MDGA2: variants seen among roughly 807,000 people sequenced by gnomAD.
MDGA2 encodes the protein MAM domain containing glycosylphosphatidylinositol anchor 2.
MDGA2 carries 40 observed loss-of-function variants against 117.8 expected under a neutral mutation model. The observed-to-expected ratio is 0.34, with a 90% CI of 0.26 to 0.44. MDGA2 has a LOEUF of 0.44. Among genes scored for constraint, MDGA2 ranks in the 20% least tolerant of loss-of-function variants. The pLI is 1.00. For missense variants in MDGA2, 1,123 were observed against 1,250.6 expected, an observed-to-expected ratio of 0.90 and a Z score of 1.54; for synonymous variants, 452 against 439.0, an observed-to-expected ratio of 1.03 and a Z score of -0.37.
At chr14:47,371,037 A>G (rs1355550861) in intron 1 of MDGA2, among the ~76,000 whole-genome samples, 1 of 151,876 alleles carries the variant, frequency 6.6e-6, no homozygotes, top group Non-Finnish European at 1.5e-5. Flanking sequence ...TTAAAAACAT[A>G]CTAATAAAAC....
intron 5 of MDGA2, among the ~76,000 whole-genome samples, chr14:47,120,223 A>G (rs1308186585): frequency 1.3e-5 from 2 of 152,158 alleles, no homozygotes; most frequent in African/African-American, 4.8e-5. Context: ...TGTGCCCAAA[A>G]TCCAATACCT....
Position 47,371,975 on chromosome 14 carries a change from T to C in MDGA2, c.281-70425A>G, listed in dbSNP as rs114868505. Among the ~76,000 whole-genome samples the C allele has an allele frequency of 7.8e-3, 1,184 of 151,868 alleles. 9 individuals carry two copies. Among genetic ancestry groups the C allele is most frequent in the African/African-American group, 0.027 (1,107 of 41,546 alleles). ...TTGAAATATGTTTACAAAAATAAAATGTATATAATTTCATTTTATAAAATA... is the reference window on the plus strand; with the variant it reads ...TTGAAATATGTTTACAAAAATAAAACGTATATAATTTCATTTTATAAAATA... On this transcript the variant is annotated intron_variant, in intron 1 of 16. Coordinates refer to ENST00000399232, the MANE Select transcript of MDGA2 (RefSeq NM_001113498.3).
chr14:47,674,448 G>C, intron 1 of MDGA2, 69 bp downstream of exon 1: 1 of 1,358,568 alleles, frequency 7.4e-7, no homozygotes, highest in Admixed American at 2.3e-5. Flanking sequence ...CGCGAGTCGT[G>C]CATTTTCGCT....
At chr14:47,322,196 T>A (rs1273432049) in intron 1 of MDGA2, among the ~76,000 whole-genome samples, 1 of 152,162 alleles carries the variant, frequency 6.6e-6, no homozygotes, top group Admixed American at 6.5e-5. Flanking sequence ...GGGCCATATG[T>A]CACAGAGCAT....
At chr14:47,609,457 A>ATATATATATATATG (rs1896806439) in intron 1 of MDGA2, among the ~76,000 whole-genome samples, 2 of 109,454 alleles carry the variant, frequency 1.8e-5, no homozygotes, top group Non-Finnish European at 3.8e-5. Flanking sequence ...ATATATATAT[A>ATATATATATATATG]TATATATAAG....
At chr14:46,981,053 A>G (rs1886649829) in intron 8 of MDGA2, among the ~76,000 whole-genome samples, 1 of 152,076 alleles carries the variant, frequency 6.6e-6, no homozygotes, top group Non-Finnish European at 1.5e-5. Context: ...ATAACAGCAT[A>G]TATTTATGAC....
intron 3 of MDGA2, among the ~76,000 whole-genome samples, chr14:47,194,385 C>T (rs1393584818): frequency 1.3e-5 from 2 of 152,106 alleles, no homozygotes; most frequent in Non-Finnish European, 2.9e-5. Flanking sequence ...ATTTAATCAT[C>T]AGCACGTTTT....
chr14:46,844,473 C>T (rs746568111), intron 16 of MDGA2, among the ~76,000 whole-genome samples: 2 of 151,946 alleles, frequency 1.3e-5, no homozygotes, highest in Admixed American at 6.6e-5. Flanking sequence ...CCCAGCTACT[C>T]AGGAGGCTGA....
intron 1 of MDGA2, among the ~76,000 whole-genome samples, chr14:47,657,291 A>T (rs1477961164): frequency 1.3e-5 from 2 of 152,214 alleles, no homozygotes; most frequent in Non-Finnish European, 2.9e-5. Context: ...GAGCAATAGC[A>T]ATTGGAATCA....
At position 47,200,837 on chromosome 14, in the gene MDGA2, C is replaced by A. The variant is rs1885476349; in HGVS notation, c.595+17184G>T. 7 of 815,800 alleles carry A rather than the reference C, an allele frequency of 8.6e-6. No homozygotes were observed. In the East Asian group the frequency reaches 1.7e-4, roughly 20 times the overall value. 50.5% of individuals were successfully genotyped at this position (815,800 alleles called of 1,614,324 possible). A position where few individuals can be genotyped will look rare whatever the true frequency, so the allele number is the denominator to read the frequency against. On this transcript the variant is annotated intron_variant, in intron 3 of 16. Transcript: ENST00000399232. The stretch of plus-strand genomic sequence containing the variant: ...CTTCAGGGCAGCAGGAGCCACCATC[C>A]ATTTTTTCTTGTCATAGGGCGGTGG...
At chr14:47,304,580 T>C (rs1889382446) in intron 1 of MDGA2, among the ~76,000 whole-genome samples, 1 of 152,148 alleles carries the variant, frequency 6.6e-6, no homozygotes, top group South Asian at 2.1e-4. Flanking sequence ...CAGTTCATCA[T>C]CCTACCTCCA....
chr14:46,967,339 T>C (rs1300683674), intron 8 of MDGA2, among the ~76,000 whole-genome samples: 2 of 152,168 alleles, frequency 1.3e-5, no homozygotes, highest in Admixed American at 1.3e-4. Context: ...GTCAAAAGCA[T>C]GCCCAACCAA....
rs1359531888 is a variant in MDGA2 at position 47,160,086 on chromosome 14, T to C, written c.596-15812A>G. Among the ~76,000 whole-genome samples, 3 of 152,200 alleles carry C rather than the reference T, an allele frequency of 2.0e-5. No individual in the cohort carries two copies. The East Asian group carries it at 5.8e-4, about 29-fold the overall frequency. ...TAATTTTATTTTCTTTTGATGGAGA[T>C]ATAGTAGCCACACCACCATTGAATA... On this transcript the variant is annotated intron_variant, in intron 3 of 16. Transcript: ENST00000399232.
rs367626447 is a variant in MDGA2 at position 47,035,184 on chromosome 14, G to A, written c.1646C>T (p.Ala549Val). 4.0e-5 allele frequency: 65 copies of A among 1,614,044 alleles called. No individual in the cohort carries two copies. The highest frequency in any genetic ancestry group is 5.2e-5 in the Non-Finnish European group (61 of 1,180,012). The change falls in exon 8 of 17, where the codon GCG becomes GTG. Residue 549 changes from alanine to valine, a missense_variant. By Grantham distance (64) the Ala-to-Val change is moderately conservative. This residue lies in a region of MDGA2 where 890 missense variants were observed against 1,050.3 expected (regional missense o/e 0.85). Transcript: ENST00000399232. ...KPKPIILWSR[A>V]DKEVAMPDGS... is the part of the protein sequence containing the mutation. The stretch of plus-strand genomic sequence containing the variant: ...ATCAGGCATTGCAACTTCTTTATCC[G>A]CTCTAGACCAAAGGATGATTGGTTT...
At chr14:47,669,201 A>G (rs929266066) in intron 1 of MDGA2, among the ~76,000 whole-genome samples, 1 of 152,200 alleles carries the variant, frequency 6.6e-6, no homozygotes, top group African/African-American at 2.4e-5. Flanking sequence ...GTGTTTCACA[A>G]CTATAAAACA....
At chr14:47,281,076 A>G (rs1304918949) in intron 2 of MDGA2, among the ~76,000 whole-genome samples, 2 of 148,246 alleles carry the variant, frequency 1.3e-5, no homozygotes, top group African/African-American at 4.9e-5. Context: ...TTAATATAAT[A>G]TAAAATAAAA....
intron 1 of MDGA2, among the ~76,000 whole-genome samples, chr14:47,311,111 T>G (rs1045127327): frequency 3.3e-5 from 5 of 152,212 alleles, no homozygotes; most frequent in Admixed American, 2.0e-4. Context: ...AATGACATCA[T>G]TTTTAATCTC....
chr14:47,361,550 T>C (rs184209781), intron 1 of MDGA2, among the ~76,000 whole-genome samples: 1 of 152,278 alleles, frequency 6.6e-6, no homozygotes, highest in African/African-American at 2.4e-5. Flanking sequence ...TTGTTTTTTT[T>C]AAAGTATGTT....
Position 47,637,497 on chromosome 14 carries a change from C to G in MDGA2, c.280+37020G>C, listed in dbSNP as rs571320445. Among the ~76,000 whole-genome samples, 14 of 152,214 alleles carry G rather than the reference C, an allele frequency of 9.2e-5. 2 individuals are homozygous for G. The highest frequency in any genetic ancestry group is 2.6e-4 in the African/African-American group (11 of 41,530). On this transcript the variant is annotated intron_variant, in intron 1 of 16. Transcript: ENST00000399232. ...AAATTGTCACTTAAAATAACCAGTA[C>G]AAAAATTTAGTTTTAAACAATTTTC...
Sources: allele counts gnomAD v4.1 joint callset (sites outside exome capture counted in the v4.1 genomes callset), GRCh38; gene constraint gnomAD v4.1.1; regional missense constraint gnomAD v4.1.1; transcripts MANE v1.5; gene names NCBI Gene and HGNC (gene_info 2026-07-23, HGNC 2026-07-21).